Variants in EXOC3L4 observed in about 807,000 individuals in gnomAD.
EXOC3L4 encodes the protein exocyst complex component 3-like protein 4.
In EXOC3L4, 62 loss-of-function variants were observed where a neutral mutation model predicts 69.7. The ratio of observed to expected loss-of-function variants is 0.89; its 90% confidence interval spans 0.72 to 1.10. The LOEUF is 1.10. Ranked by LOEUF, EXOC3L4 falls within the 50% of genes least tolerant of loss-of-function variation. The probability of loss-of-function intolerance (pLI) is 0.00; values close to 1 mark genes in which losing one functional copy is unlikely to be tolerated. For synonymous variants in EXOC3L4, 502 were observed against 464.2 expected (o/e 1.08, Z -1.05); for missense variants, 1,087 against 1,034.8 (o/e 1.05, Z -0.69).
In EXOC3L4 at chr14:103,102,344, C is replaced by T. The variant is rs758546204; in HGVS notation, c.621C>T (p.Asp207=). The T allele has an allele frequency of 4.4e-5, 69 of 1,561,422 alleles. No homozygotes were observed. The highest frequency in any genetic ancestry group is 1.7e-4 in the Middle Eastern group (1 of 6,002). ...VRETLDSDGV[D]AAALAELARV... The stretch of plus-strand genomic sequence containing the variant: ...AGACGCTGGACAGCGACGGTGTGGA[C>T]GCGGCCGCGCTGGCCGAGCTGGCCC... The change falls in exon 3 of 12, where the codon GAC becomes GAT. Residue 207 remains aspartate (D), a synonymous_variant. Coordinates refer to ENST00000688303, the MANE Select transcript of EXOC3L4 (RefSeq NM_001077594.2).
chr14:103,100,294 A>G lies in EXOC3L4; in HGVS notation c.75A>G (p.Pro25=). Residue 25 remains proline (P), a synonymous_variant, in exon 2 of 12, where the codon CCA becomes CCG. Coordinates refer to ENST00000688303, the MANE Select transcript of EXOC3L4 (RefSeq NM_001077594.2). ...AGGAGGCTGAGGAGCCACAGACTCC[A>G]GCTCAGGGCTCCCGGCGAACAAGCA... The part of the protein sequence containing the change: ...SPKEAEEPQT[P]AQGSRRTSSR... The G allele has an allele frequency of 6.3e-7, 1 of 1,581,350 alleles. No homozygotes were observed. The highest frequency in any genetic ancestry group is 8.6e-7 in the Non-Finnish European group (1 of 1,162,810).
chr14:103,107,892 T>A, intron 10 of EXOC3L4, 109 bp downstream of exon 10: 2 of 1,410,970 alleles, frequency 1.4e-6, no homozygotes, highest in Admixed American at 5.7e-5. Flanking sequence ...TTCTCCCCAC[T>A]CTGGATCAGG....
intron 1 of EXOC3L4, chr14:103,098,568 C>T (rs761455888): frequency 3.3e-5 from 5 of 152,294 alleles, no homozygotes; most frequent in Non-Finnish European, 5.9e-5. Context: ...AACAAGAAGG[C>T]GGGGCCTGGC....
rs1890259589 is a variant in EXOC3L4, at chr14:103,102,529, C to A, written c.806C>A (p.Ala269Glu). 4.3e-6 allele frequency: 6 copies of A among 1,402,432 alleles called. No homozygotes were observed. Among genetic ancestry groups the A allele is most frequent in the Non-Finnish European group, 5.5e-6 (6 of 1,082,302 alleles). 86.9% of individuals were successfully genotyped at this position (1,402,432 alleles called of 1,614,324 possible). The stretch of plus-strand genomic sequence containing the variant: ...GGCGCGGGGTGGGCCTTCGGGGAGG[C>A]GGAGGGCGCGTCGGGTTTGGCCCAG... Reference protein sequence around the residue: ...RPGAGWAFGEAEGASGLAQLL... With the variant: ...RPGAGWAFGEEEGASGLAQLL... The change falls in exon 3 of 12, where the codon GCG (alanine) becomes GAG (glutamate). Residue 269 changes from alanine to glutamate, a missense_variant. Physicochemically the swap from Ala to Glu is moderately radical, Grantham distance 107. Transcript: ENST00000688303.
intron 1 of EXOC3L4, among the ~76,000 whole-genome samples, chr14:103,096,398 A>ATTTTTTTTTTTTTTTTTTTTTTTT (rs1440659126): frequency 1.5e-5 from 1 of 68,516 alleles, no homozygotes; most frequent in African/African-American, 5.2e-5. Flanking sequence ...TTTTGGCAAG[A>ATTTTTTTTTTTTTTTTTTTTTTTT]TTCTTTTTTT....
intron 3 of EXOC3L4, 21 bp downstream of exon 3, chr14:103,102,793 C>G: frequency 1.5e-6 from 2 of 1,324,848 alleles, no homozygotes; most frequent in Non-Finnish European, 1.9e-6. Flanking sequence ...GCCAGGGCGC[C>G]CAGTGGCGAG....
Position 103,102,606 on chromosome 14 carries a change from C to A in EXOC3L4, c.883C>A (p.Gln295Lys). 1 of 1,494,732 alleles carries A rather than the reference C, an allele frequency of 6.7e-7. No individual in the cohort carries two copies. Among genetic ancestry groups the A allele is most frequent in the East Asian group, 2.8e-5 (1 of 35,426 alleles). 92.6% of individuals were successfully genotyped at this position (1,494,732 alleles called of 1,614,324 possible). ...TCGCCGCGACCTGCAGAAGGTGCGG[C>A]AGGAGGTGCAGCCCGCGTATGCGGC... ...LVRRDLQKVR[Q>K]EVQPAYAAAG... The change falls in exon 3 of 12, where the codon CAG becomes AAG. Residue 295 changes from glutamine to lysine, a missense_variant. Physicochemically the swap from Gln to Lys is moderately conservative, Grantham distance 53. Transcript: ENST00000688303.
chr14:103,104,734 G>A lies in EXOC3L4; in HGVS notation c.1285-4G>A. The A allele has an allele frequency of 6.7e-7, 1 of 1,495,876 alleles. No individual in the cohort carries two copies. The highest frequency in any genetic ancestry group is 1.3e-5 in the South Asian group (1 of 79,672). 92.7% of individuals were successfully genotyped at this position (1,495,876 alleles called of 1,614,324 possible). A position where few individuals can be genotyped will look rare whatever the true frequency, so the allele number is the denominator to read the frequency against. ...GCACGCTCAGTGCGGGGCTTCGCTCGCAGCTCGTGGCCGAGCACGTGAAGG... is the reference window on the plus strand; with the variant it reads ...GCACGCTCAGTGCGGGGCTTCGCTCACAGCTCGTGGCCGAGCACGTGAAGG... On this transcript the variant is annotated splice_polypyrimidine_tract_variant and splice_region_variant and intron_variant, in intron 5 of 11. Transcript: ENST00000688303.
chr14:103,110,194 G>GCCA lies in EXOC3L4; in HGVS notation c.2141_2143dup (p.Ala714_Met715insThr). 1 of 1,520,018 alleles carries GCCA rather than the reference G, an allele frequency of 6.6e-7. No homozygotes were observed. Among genetic ancestry groups the GCCA allele is most frequent in the Non-Finnish European group, 8.8e-7 (1 of 1,132,268 alleles). The allele number at this position is 1,520,018 out of a possible 1,614,324, so 94.2% of individuals were successfully genotyped here. A position where few individuals can be genotyped will look rare whatever the true frequency, so the allele number is the denominator to read the frequency against. On this transcript the variant is annotated inframe_insertion, in exon 12 of 12. Coordinates refer to ENST00000688303, the MANE Select transcript of EXOC3L4 (RefSeq NM_001077594.2). ...CTTCGAGGAGATCAAGGTGCCCAGTGCCATGGCTGTGCTGATCACCTGCGT... is the reference window on the plus strand; with the variant it reads ...CTTCGAGGAGATCAAGGTGCCCAGTGCCACCATGGCTGTGCTGATCACCTGCGT...
At chr14:103,103,800 G>GTGTGTGTC in intron 3 of EXOC3L4, 141 bp from the exon 4 acceptor site, 2 of 463,670 alleles carry the variant, frequency 4.3e-6, no homozygotes, top group Non-Finnish European at 7.6e-6. Context: ...GCGCGCGCGT[G>GTGTGTGTC]TGTGTGTGTG....
At chr14:103,107,019 G>A (rs1415592297) in intron 8 of EXOC3L4, 120 bp downstream of exon 8, 6 of 866,360 alleles carry the variant, frequency 6.9e-6, no homozygotes, top group Non-Finnish European at 1.0e-5. Flanking sequence ...ATGGGTGTGT[G>A]TGTAGGGTAG....
chr14:103,107,546 A>G lies in EXOC3L4; in HGVS notation c.1701+3A>G. On this transcript the variant is annotated splice_donor_region_variant and intron_variant, in intron 9 of 11. Coordinates refer to ENST00000688303, the MANE Select transcript of EXOC3L4 (RefSeq NM_001077594.2). ...GTGTGGCCCGGCCGCGGGCACAGGT[A>G]CCACAAGGGGGAGGGCCCTGGCAGG... is the stretch of plus-strand genomic sequence containing the variant. 1.9e-6 allele frequency: 3 copies of G among 1,613,448 alleles called. No individual in the cohort carries two copies. Among genetic ancestry groups the G allele is most frequent in the Non-Finnish European group, 2.5e-6 (3 of 1,179,926 alleles).
chr14:103,098,894 G>A (rs1245023484), intron 1 of EXOC3L4: 2 of 152,144 alleles, frequency 1.3e-5, no homozygotes, highest in Non-Finnish European at 2.9e-5. Context: ...CAGCTGCTTA[G>A]CCGCCTCTGG....
At chr14:103,101,140 T>C (rs1378442622) in intron 2 of EXOC3L4, among the ~76,000 whole-genome samples, 2 of 152,012 alleles carry the variant, frequency 1.3e-5, no homozygotes, top group African/African-American at 2.4e-5. Flanking sequence ...GCTCCTGACC[T>C]CGCGATCCGC....
At chr14:103,108,300 G>C in intron 10 of EXOC3L4, 96 bp from the exon 11 acceptor site, 2 of 1,523,016 alleles carry the variant, frequency 1.3e-6, no homozygotes, top group Non-Finnish European at 1.8e-6. Context: ...CTGACGCTGC[G>C]GGAGGGCTGA....
rs2297067 is a variant in EXOC3L4 at position 103,100,448 on chromosome 14, C to T, written c.229C>T (p.Arg77Trp). The T allele has an allele frequency of 0.24, 380,447 of 1,612,946 alleles. 46,124 individuals carry two copies. The highest frequency in any genetic ancestry group is 0.26 in the South Asian group (24,032 of 90,978). The change falls in exon 2 of 12, where the codon CGG (arginine) becomes TGG (tryptophan). Residue 77 changes from arginine (R) to tryptophan (W), a missense_variant. By Grantham distance (101) the Arg-to-Trp change is moderately radical. Coordinates refer to ENST00000688303, the MANE Select transcript of EXOC3L4 (RefSeq NM_001077594.2). ...QVSKEDTGLF[R>W]RSSCSLFRSF... ...CTCCAAGGAAGATACGGGCCTGTTCCGGCGAAGCTCCTGCTCCCTGTTCCG... is the reference window on the plus strand; with the variant it reads ...CTCCAAGGAAGATACGGGCCTGTTCTGGCGAAGCTCCTGCTCCCTGTTCCG...
At chr14:103,108,189 A>G (rs557252011) in intron 10 of EXOC3L4, among the ~76,000 whole-genome samples, 1 of 152,188 alleles carries the variant, frequency 6.6e-6, no homozygotes, top group Admixed American at 6.5e-5. Flanking sequence ...GGGGAGATGA[A>G]GGCTGTGTAG....
chr14:103,102,472 G>C lies in EXOC3L4; in HGVS notation c.749G>C (p.Arg250Pro). 1 of 1,444,590 alleles carries C rather than the reference G, an allele frequency of 6.9e-7. No individual in the cohort carries two copies. The highest frequency in any genetic ancestry group is 1.5e-5 in the African/African-American group (1 of 66,728). 89.5% of individuals were successfully genotyped at this position (1,444,590 alleles called of 1,614,324 possible). The change falls in exon 3 of 12, where the codon CGG becomes CCG. Residue 250 changes from arginine (R) to proline (P), a missense_variant. Transcript: ENST00000688303. ...CGCCAGCACTGGGAGGAGGCGGTGC[G>C]GCGAAGCGCTCAGGAGCGCGTGCGG... ...RWRQHWEEAVRRSAQERVRRP... is the reference protein window; with the variant it reads ...RWRQHWEEAVPRSAQERVRRP...
rs1301956624 is a variant in EXOC3L4, at chr14:103,110,012, T to C, written c.1977-19T>C. ...TGCGGAGGTGTAGGTCTGCAGTGAG[T>C]GCCCGCATGTCTCTGCAGGCGGGAC... On this transcript the variant is annotated intron_variant, in intron 11 of 11. Transcript: ENST00000688303. 5 of 1,572,286 alleles carry C rather than the reference T, an allele frequency of 3.2e-6. No individual in the cohort carries two copies. The highest frequency in any genetic ancestry group is 4.3e-6 in the Non-Finnish European group (5 of 1,160,628).
Sources: allele counts gnomAD v4.1 joint callset (sites outside exome capture counted in the v4.1 genomes callset), GRCh38; gene constraint gnomAD v4.1.1; transcripts MANE v1.5; gene names NCBI Gene and HGNC (gene_info 2026-07-23, HGNC 2026-07-21).